Variants in IMMP2L observed in about 807,000 individuals in gnomAD.
IMMP2L encodes inner mitochondrial membrane peptidase subunit 2, also known as mitochondrial inner membrane protease subunit 2.
A neutral mutation model predicts 19.3 loss-of-function variants in IMMP2L; 18 were observed. The observed-to-expected ratio is 0.93, with a 90% CI of 0.64 to 1.38. The LOEUF (loss-of-function observed/expected upper bound fraction) is 1.38. Among genes scored for constraint, IMMP2L ranks in the 40% most tolerant of loss-of-function variants. The probability of loss-of-function intolerance (pLI) is 0.00; values close to 1 mark genes in which losing one functional copy is unlikely to be tolerated. For synonymous variants in IMMP2L, 76 were observed against 73.0 expected, an observed-to-expected ratio of 1.04 and a Z score of -0.21; for missense variants, 233 against 218.2, an observed-to-expected ratio of 1.07 and a Z score of -0.43.
intron 3 of IMMP2L, among the ~76,000 whole-genome samples, chr7:111,355,789 TA>T (rs1456484620): frequency 1.3e-5 from 2 of 152,018 alleles, no homozygotes; most frequent in Non-Finnish European, 2.9e-5. Flanking sequence ...ACAATTAGTC[TA>T]TTTTGATTTT....
At chr7:111,147,676 C>G (rs1391734161) in intron 3 of IMMP2L, among the ~76,000 whole-genome samples, 1 of 152,042 alleles carries the variant, frequency 6.6e-6, no homozygotes, top group Non-Finnish European at 1.5e-5. Context: ...GTGGCTCTAG[C>G]CCTCCATAGA....
intron 4 of IMMP2L, among the ~76,000 whole-genome samples, chr7:110,931,531 C>T (rs1815485786): frequency 6.6e-6 from 1 of 152,140 alleles, no homozygotes; most frequent in African/African-American, 2.4e-5. Context: ...TATGTCTAAT[C>T]CTCAGCTAAT....
intron 3 of IMMP2L, among the ~76,000 whole-genome samples, chr7:111,214,802 G>A (rs1486898110): frequency 1.3e-5 from 2 of 151,356 alleles, no homozygotes; most frequent in Non-Finnish European, 1.5e-5. Flanking sequence ...AAAAAAGAGA[G>A]AGAGATAGAG....
chr7:111,152,795 T>C (rs1232197733), intron 3 of IMMP2L, among the ~76,000 whole-genome samples: 1 of 152,166 alleles, frequency 6.6e-6, no homozygotes, highest in Non-Finnish European at 1.5e-5. Flanking sequence ...TCTTCTCACT[T>C]TCTCTTTTTA....
intron 2 of IMMP2L, among the ~76,000 whole-genome samples, chr7:111,506,197 AAATAATAAT>A (rs543586226): frequency 1.3e-5 from 2 of 149,444 alleles, no homozygotes; most frequent in Non-Finnish European, 3.0e-5. Flanking sequence ...TGTCTCTTTA[AAATAATAAT>A]AATAATAATA....
intron 5 of IMMP2L, among the ~76,000 whole-genome samples, chr7:110,817,582 T>A (rs1802643776): frequency 6.6e-6 from 1 of 152,076 alleles, no homozygotes. Context: ...AAGCTACCAA[T>A]GACTTTCTTC....
chr7:111,474,964 AC>A (rs1371085249), intron 3 of IMMP2L, among the ~76,000 whole-genome samples: 15 of 152,148 alleles, frequency 9.9e-5, no homozygotes, highest in Non-Finnish European at 7.4e-5. Context: ...CTATACGGTA[AC>A]TTTCTAGCAA....
At chr7:110,862,920 T>TA (rs776908311) in intron 5 of IMMP2L, among the ~76,000 whole-genome samples, 63 of 151,922 alleles carry the variant, frequency 4.1e-4, no homozygotes, top group Admixed American at 3.3e-4. Flanking sequence ...CCTCCTCATA[T>TA]AAAAAATTCA....
chr7:110,817,088 C>T (rs1802591703), intron 5 of IMMP2L, among the ~76,000 whole-genome samples: 1 of 151,918 alleles, frequency 6.6e-6, no homozygotes. Context: ...TTGGATTCAA[C>T]ATAGTGTTAG....
At chr7:111,236,614 C>T (rs182438735) in intron 3 of IMMP2L, among the ~76,000 whole-genome samples, 145 of 152,172 alleles carry the variant, frequency 9.5e-4, no homozygotes, top group African/African-American at 3.1e-3. Context: ...GAGGGCTGTA[C>T]GAGGACCTTC....
At chr7:111,353,832 G>A (rs1037035208) in intron 3 of IMMP2L, among the ~76,000 whole-genome samples, 6 of 152,060 alleles carry the variant, frequency 3.9e-5, no homozygotes, top group African/African-American at 1.2e-4. Flanking sequence ...AACATAGTCA[G>A]CTATATATGT....
intron 3 of IMMP2L, among the ~76,000 whole-genome samples, chr7:111,421,252 GT>G (rs1394183144): frequency 1.4e-5 from 2 of 147,882 alleles, no homozygotes; most frequent in Admixed American, 1.3e-4. Flanking sequence ...TTTTGATGGG[GT>G]TGTTTGTTTT....
chr7:111,112,648 C>T (rs751181997), intron 3 of IMMP2L, among the ~76,000 whole-genome samples: 1 of 152,102 alleles, frequency 6.6e-6, no homozygotes, highest in Non-Finnish European at 1.5e-5. Flanking sequence ...TTGTTTAAAG[C>T]AGATTGTCAG....
chr7:111,003,618 C>CT (rs904803008), intron 3 of IMMP2L, among the ~76,000 whole-genome samples: 5 of 152,132 alleles, frequency 3.3e-5, no homozygotes, highest in Admixed American at 3.3e-4. Context: ...CTCACACAAC[C>CT]TTCCCACCTT....
intron 3 of IMMP2L, among the ~76,000 whole-genome samples, chr7:111,013,437 G>A (rs1045469220): frequency 6.6e-6 from 1 of 152,136 alleles, no homozygotes; most frequent in Admixed American, 6.6e-5. Flanking sequence ...CTTACTTTTC[G>A]AGGTAAGACT....
intron 1 of IMMP2L, among the ~76,000 whole-genome samples, chr7:111,550,782 C>T (rs898247794): frequency 1.3e-5 from 2 of 152,166 alleles, no homozygotes; most frequent in Admixed American, 6.5e-5. Context: ...CTCCTCATAA[C>T]ATCTGCTCTG....
chr7:111,266,480 T>C (rs1817848547), intron 3 of IMMP2L, among the ~76,000 whole-genome samples: 4 of 150,532 alleles, frequency 2.7e-5, no homozygotes, highest in Admixed American at 2.7e-4. Flanking sequence ...GAGACAGAGG[T>C]TGCAGCGAGC....
chr7:110,881,460 T>C (rs1809621976), intron 5 of IMMP2L, among the ~76,000 whole-genome samples: 1 of 152,192 alleles, frequency 6.6e-6, no homozygotes, highest in Non-Finnish European at 1.5e-5. Context: ...TATTTTTCTA[T>C]AAAATACAGA....
chr7:110,998,140 C>A (rs1332027181), intron 3 of IMMP2L, among the ~76,000 whole-genome samples: 1 of 152,100 alleles, frequency 6.6e-6, no homozygotes, highest in Non-Finnish European at 1.5e-5. Flanking sequence ...GGATGGTTCC[C>A]AGATCACCAG....
Sources: allele counts gnomAD v4.1 joint callset (sites outside exome capture counted in the v4.1 genomes callset), GRCh38; gene constraint gnomAD v4.1.1; transcripts MANE v1.5; gene names NCBI Gene and HGNC (gene_info 2026-07-23, HGNC 2026-07-21).